The following ERP27 variants were observed in gnomAD, a reference collection of about 807,000 sequenced individuals.
ERP27 encodes the protein endoplasmic reticulum protein 27.
A neutral mutation model predicts 27.7 loss-of-function variants in ERP27; 23 were observed. The ratio of observed to expected loss-of-function variants is 0.83; its 90% CI spans 0.60 to 1.18. The LOEUF (loss-of-function observed/expected upper bound fraction) is 1.18, where lower values mean the gene tolerates loss of function less well. ERP27 is among the 50% of genes most tolerant of loss of function. The pLI is 0.00. For synonymous variants in ERP27, 159 were observed against 118.3 expected (o/e 1.34, Z -2.23); for missense variants, 363 against 327.9 (o/e 1.11, Z -0.83).
Position 14,915,603 on chromosome 12 carries a change from T to A in ERP27, c.660A>T (p.Pro220=). Residue 220 remains proline, a synonymous_variant, in exon 6 of 7, where the codon CCA becomes CCT. Coordinates refer to ENST00000266397, the MANE Select transcript of ERP27 (RefSeq NM_152321.4). The part of the protein sequence containing the change: ...SFFKLKESQL[P]ALAIYQTLDD... ...CTAGAGTCTGGTAAATTGCCAAAGC[T>A]GGCAGTTGAGACTCCTTTAGTTTGA... is the stretch of plus-strand genomic sequence containing the variant. 1.2e-6 allele frequency: 2 copies of A among 1,614,248 alleles called. No individual in the cohort carries two copies. Among genetic ancestry groups the A allele is most frequent in the Non-Finnish European group, 8.5e-7 (1 of 1,180,038 alleles).
chr12:14,921,994 C>T (rs1032594942), intron 3 of ERP27, among the ~76,000 whole-genome samples: 5 of 152,156 alleles, frequency 3.3e-5, no homozygotes, highest in African/African-American at 1.2e-4. Context: ...GTAGTTTGTT[C>T]ATCTTCCTTG....
At chr12:14,929,164 G>T in intron 3 of ERP27, 1 of 1,391,400 alleles carries the variant, frequency 7.2e-7, no homozygotes, top group Admixed American at 2.8e-5. Context: ...CTCTTTTCCG[G>T]GCAGTCCTTC....
At chr12:14,925,646 T>C (rs950182562) in intron 3 of ERP27, among the ~76,000 whole-genome samples, 5 of 152,218 alleles carry the variant, frequency 3.3e-5, no homozygotes, top group African/African-American at 4.8e-5. Flanking sequence ...ATTATTTGTG[T>C]CTTTAAAATT....
intron 3 of ERP27, among the ~76,000 whole-genome samples, chr12:14,927,347 G>A (rs117785189): frequency 0.035 from 5,256 of 149,868 alleles, 226 homozygotes; most frequent in East Asian, 0.21. Context: ...GTGTGTGTGT[G>A]TATATATATA....
intron 6 of ERP27, 126 bp from the exon 7 acceptor site, chr12:14,914,908 T>C (rs1863384784): frequency 4.0e-6 from 3 of 742,334 alleles, no homozygotes; most frequent in Admixed American, 3.0e-5. Flanking sequence ...TGTTGCCCAT[T>C]AATGCTTTAC....
At chr12:14,929,096 G>C (rs1255459246) in intron 3 of ERP27, 2 of 1,517,336 alleles carry the variant, frequency 1.3e-6, no homozygotes, top group Non-Finnish European at 1.8e-6. Context: ...CCTAGGTCTG[G>C]TGCCTGCACC....
intron 3 of ERP27, among the ~76,000 whole-genome samples, chr12:14,925,742 T>G (rs1005601522): frequency 1.3e-5 from 2 of 152,152 alleles, no homozygotes; most frequent in African/African-American, 2.4e-5. Context: ...ATTTTCTATA[T>G]CTTTCTTTTT....
At chr12:14,935,077 GT>G (rs1275835978) in intron 2 of ERP27, 84 bp from the exon 3 acceptor site, 1 of 1,525,658 alleles carries the variant, frequency 6.6e-7, no homozygotes, top group Non-Finnish European at 8.8e-7. Context: ...ATGATATGAT[GT>G]TTACCAGAAA....
In ERP27 at chr12:14,930,230, T is replaced by C. The variant is rs1179286555; in HGVS notation, c.333+4626A>G. Among the ~76,000 whole-genome samples the C allele has an allele frequency of 2.0e-5, 3 of 152,314 alleles. No individual in the cohort carries two copies. In the East Asian group the frequency reaches 5.8e-4, roughly 29 times the overall value. On this transcript the variant is annotated intron_variant, in intron 3 of 6. Coordinates refer to ENST00000266397, the MANE Select transcript of ERP27 (RefSeq NM_152321.4). ...ATAAAAAATGTTTTATAATCTGACATATCTTCTTGCATTTCTTATCAGTTT... is the reference window on the plus strand; with the variant it reads ...ATAAAAAATGTTTTATAATCTGACACATCTTCTTGCATTTCTTATCAGTTT...
At chr12:14,922,119 T>C (rs575825305) in intron 3 of ERP27, among the ~76,000 whole-genome samples, 4 of 152,344 alleles carry the variant, frequency 2.6e-5, no homozygotes, top group Admixed American at 2.6e-4. Context: ...TTCTTGACTT[T>C]TAGTACATAT....
rs761300147 is a variant in ERP27 at position 14,934,938 on chromosome 12, C to T, written c.251G>A (p.Gly84Asp). The T allele has an allele frequency of 1.9e-6, 3 of 1,613,946 alleles. No individual in the cohort carries two copies. Among genetic ancestry groups the T allele is most frequent in the South Asian group, 1.1e-5 (1 of 91,082 alleles). ...ILHSMVQKFP[G>D]VSFGISTDSE... ...ATCAGTGCTGATCCCAAATGACACG[C>T]CTGGGAATTTTTGCACCATGCTATG... is the stretch of plus-strand genomic sequence containing the variant. Residue 84 changes from glycine (G) to aspartate (D), a missense_variant, in exon 3 of 7, where the codon GGC becomes GAC. Coordinates refer to ENST00000266397, the MANE Select transcript of ERP27 (RefSeq NM_152321.4).
chr12:14,931,913 A>G (rs1260374248), intron 3 of ERP27, among the ~76,000 whole-genome samples: 4 of 152,224 alleles, frequency 2.6e-5, no homozygotes, highest in Non-Finnish European at 5.9e-5. Context: ...TGGCAACACG[A>G]AAGGCATTTG....
At chr12:14,935,184 A>T (rs1261323745) in intron 2 of ERP27, 191 bp from the exon 3 acceptor site, 1 of 984,280 alleles carries the variant, frequency 1.0e-6, no homozygotes, top group Non-Finnish European at 1.2e-6. Flanking sequence ...AGGCTCTGTA[A>T]GTTAATAGGT....
chr12:14,916,671 C>T (rs1863415260), intron 5 of ERP27, among the ~76,000 whole-genome samples: 1 of 152,116 alleles, frequency 6.6e-6, no homozygotes, highest in Admixed American at 6.5e-5. Context: ...ATCATTAGAA[C>T]AGTCACTAGT....
Position 14,915,685 on chromosome 12 carries a change from A to G in ERP27, c.578T>C (p.Ile193Thr). 6.2e-7 allele frequency: 1 copy of G among 1,611,580 alleles called. No homozygotes were observed. The highest frequency in any genetic ancestry group is 8.5e-7 in the Non-Finnish European group (1 of 1,177,954). Residue 193 changes from isoleucine to threonine, a missense_variant and splice_region_variant, in exon 6 of 7, where the codon ATT becomes ACT. Transcript: ENST00000266397. The stretch of plus-strand genomic sequence containing the variant: ...ACCACTGTCCACCAGAATAAAGAGA[A>G]TCTGCAGTTGGGGAAGTTTGAAAGA... Reference protein sequence around the residue: ...QKAAKLFQGKILFILVDSGMK... With the variant: ...QKAAKLFQGKTLFILVDSGMK...
chr12:14,928,497 C>T (rs1863644682), intron 3 of ERP27, among the ~76,000 whole-genome samples: 1 of 152,276 alleles, frequency 6.6e-6, no homozygotes, highest in Middle Eastern at 3.4e-3. Flanking sequence ...TCTTCCAATC[C>T]ATTTGTTTCA....
intron 4 of ERP27, among the ~76,000 whole-genome samples, chr12:14,917,587 T>C (rs977190541): frequency 6.6e-6 from 1 of 152,226 alleles, no homozygotes; most frequent in Non-Finnish European, 1.5e-5. Flanking sequence ...AAAGACATTA[T>C]GGTTTCTGCT....
chr12:14,929,008 A>T, intron 3 of ERP27: 1 of 1,535,150 alleles, frequency 6.5e-7, no homozygotes, highest in Non-Finnish European at 8.7e-7. Flanking sequence ...CACCAAAATC[A>T]TCATCATTAT....
chr12:14,933,762 T>C (rs1863732723), intron 3 of ERP27, among the ~76,000 whole-genome samples: 1 of 152,216 alleles, frequency 6.6e-6, no homozygotes. Context: ...TTAGACACCC[T>C]GGCTTTAAGC....
Sources: allele counts gnomAD v4.1 joint callset (sites outside exome capture counted in the v4.1 genomes callset), GRCh38; gene constraint gnomAD v4.1.1; transcripts MANE v1.5; gene names NCBI Gene and HGNC (gene_info 2026-07-23, HGNC 2026-07-21).